The following SPATS2L variants were observed in gnomAD, a reference collection of about 807,000 sequenced individuals.
SPATS2L encodes spermatogenesis associated serine rich 2 like, also known as SPATS2-like protein.
Under a neutral mutation model 59.6 loss-of-function variants are expected in SPATS2L, and 30 were observed. The ratio of observed to expected loss-of-function variants is 0.50; its 90% CI spans 0.38 to 0.68. The LOEUF (loss-of-function observed/expected upper bound fraction) is 0.68. Ranked by LOEUF, SPATS2L falls within the 30% of genes least tolerant of loss-of-function variation. The probability of loss-of-function intolerance (pLI) is 0.00; values close to 1 mark genes in which losing one functional copy is unlikely to be tolerated. For synonymous variants in SPATS2L, 252 were observed against 263.5 expected (o/e 0.96, Z 0.42); for missense variants, 615 against 700.0 (o/e 0.88, Z 1.37).
intron 2 of SPATS2L, among the ~76,000 whole-genome samples, chr2:200,349,369 C>G (rs1367899360): frequency 6.6e-6 from 1 of 152,222 alleles, no homozygotes; most frequent in South Asian, 2.1e-4. Flanking sequence ...GGCATGGTGG[C>G]TCACACCTGC....
chr2:200,390,838 T>G (rs2082149670), intron 3 of SPATS2L: 1 of 147,918 alleles, frequency 6.8e-6, no homozygotes, highest in Non-Finnish European at 1.5e-5. Context: ...CCTCCAGTCA[T>G]GAATGTAGGC....
At chr2:200,322,993 T>C (rs999150303) in intron 1 of SPATS2L, among the ~76,000 whole-genome samples, 2 of 152,200 alleles carry the variant, frequency 1.3e-5, no homozygotes, top group African/African-American at 4.8e-5. Context: ...CTCCAGTCAT[T>C]TTAGTTTTTG....
At chr2:200,424,127 T>C (rs988086815) in intron 6 of SPATS2L, among the ~76,000 whole-genome samples, 8 of 152,302 alleles carry the variant, frequency 5.3e-5, no homozygotes, top group Admixed American at 6.5e-5. Flanking sequence ...AAATTGGATC[T>C]TTTACATAAT....
chr2:200,467,809 G>A (rs1332785336), intron 10 of SPATS2L, among the ~76,000 whole-genome samples: 2 of 152,168 alleles, frequency 1.3e-5, no homozygotes, highest in African/African-American at 4.8e-5. Flanking sequence ...TAGAAAGCAT[G>A]CGGTCTGTGG....
chr2:200,417,717 A>G (rs967892705), intron 5 of SPATS2L, among the ~76,000 whole-genome samples: 4 of 152,224 alleles, frequency 2.6e-5, no homozygotes, highest in African/African-American at 9.6e-5. Context: ...CACCTAGGAA[A>G]GCACTTACTG....
At chr2:200,370,359 C>T (rs548325249) in intron 2 of SPATS2L, among the ~76,000 whole-genome samples, 21 of 152,080 alleles carry the variant, frequency 1.4e-4, no homozygotes, top group East Asian at 3.9e-4. Context: ...ATTTCATCAA[C>T]GCAGTTTTCA....
At chr2:200,473,240 T>A (rs1471141000) in intron 12 of SPATS2L, among the ~76,000 whole-genome samples, 188 bp downstream of exon 12, 1 of 152,166 alleles carries the variant, frequency 6.6e-6, no homozygotes, top group Non-Finnish European at 1.5e-5. Context: ...CTGGTCGCTC[T>A]CATCCATGCC....
chr2:200,334,838 T>G (rs2080086979), intron 2 of SPATS2L, among the ~76,000 whole-genome samples: 1 of 152,242 alleles, frequency 6.6e-6, no homozygotes, highest in African/African-American at 2.4e-5. Context: ...TGTGGCATTA[T>G]TTCTGAGGGC....
At chr2:200,310,648 T>C (rs1267985364) in intron 1 of SPATS2L, among the ~76,000 whole-genome samples, 3 of 152,236 alleles carry the variant, frequency 2.0e-5, no homozygotes, top group African/African-American at 2.4e-5. Flanking sequence ...CCTCCCCCAT[T>C]GCCCAGCCTC....
At chr2:200,323,672 G>A (rs1040684056) in intron 1 of SPATS2L, among the ~76,000 whole-genome samples, 1 of 152,014 alleles carries the variant, frequency 6.6e-6, no homozygotes, top group Non-Finnish European at 1.5e-5. Flanking sequence ...GAGGGAAGGG[G>A]GCCTTTTGAC....
chr2:200,434,688 A>G (rs150475212), intron 6 of SPATS2L, among the ~76,000 whole-genome samples: 87 of 152,264 alleles, frequency 5.7e-4, no homozygotes, highest in Non-Finnish European at 1.1e-3. Flanking sequence ...AAATGATGCT[A>G]AAGCAAATTA....
chr2:200,344,746 T>C (rs1036089659), intron 2 of SPATS2L, among the ~76,000 whole-genome samples: 1 of 152,228 alleles, frequency 6.6e-6, no homozygotes. Flanking sequence ...TTTTTGACTT[T>C]TTAATAATAG....
chr2:200,354,809 G>T (rs190388687), intron 2 of SPATS2L, among the ~76,000 whole-genome samples: 1 of 152,126 alleles, frequency 6.6e-6, no homozygotes, highest in Non-Finnish European at 1.5e-5. Context: ...GCGCTTTTTG[G>T]GATACATCAG....
rs968757375 is a variant in SPATS2L, at chr2:200,481,945, G to C, written c.*3914G>C. On this transcript the variant is annotated 3_prime_UTR_variant, in exon 13 of 13. Coordinates refer to ENST00000409140, the MANE Select transcript of SPATS2L (RefSeq NM_001100423.2). ...TCCACCCCCCTCGGCCTCCCAAAGT[G>C]CTGGGATTACAGGGGTGAGCCACTG... 2.0e-5 allele frequency: 3 copies of C among 152,258 alleles called. No homozygotes were observed. Among genetic ancestry groups the C allele is most frequent in the Non-Finnish European group, 4.4e-5 (3 of 68,076 alleles). The allele number at this position is 152,258 out of a possible 1,614,324, so 9.4% of individuals were successfully genotyped here. A position where few individuals can be genotyped will look rare whatever the true frequency, so the allele number is the denominator to read the frequency against.
intron 2 of SPATS2L, among the ~76,000 whole-genome samples, chr2:200,362,091 T>TA (rs888485158): frequency 6.6e-6 from 1 of 151,544 alleles, no homozygotes; most frequent in East Asian, 1.9e-4. Context: ...AATAAAAAAA[T>TA]AAAAAAATAG....
chr2:200,446,190 C>T (rs1438424828), intron 8 of SPATS2L, among the ~76,000 whole-genome samples: 3 of 152,074 alleles, frequency 2.0e-5, no homozygotes, highest in African/African-American at 7.2e-5. Flanking sequence ...TTTTGATTAG[C>T]TGGGCATAGT....
chr2:200,439,604 T>C (rs570014920), intron 7 of SPATS2L, among the ~76,000 whole-genome samples: 1 of 152,310 alleles, frequency 6.6e-6, no homozygotes, highest in South Asian at 2.1e-4. Context: ...ACAAGTACCT[T>C]CTATCCTAAT....
At chr2:200,474,349 T>C (rs1198932215) in intron 12 of SPATS2L, among the ~76,000 whole-genome samples, 2 of 152,104 alleles carry the variant, frequency 1.3e-5, no homozygotes, top group African/African-American at 4.8e-5. Flanking sequence ...TTTGTTCTTT[T>C]TTTTTTCTTT....
At chr2:200,430,682 T>C (rs1287081872) in intron 6 of SPATS2L, among the ~76,000 whole-genome samples, 1 of 151,984 alleles carries the variant, frequency 6.6e-6, no homozygotes, top group Non-Finnish European at 1.5e-5. Context: ...TTCTTTTAAT[T>C]GTTCCCAAAC....
Sources: gnomAD v4.1 joint callset for allele counts (sites outside exome capture counted in the v4.1 genomes callset) on GRCh38, gnomAD v4.1.1 for gene constraint, MANE v1.5 for transcripts, NCBI Gene and HGNC (gene_info 2026-07-23, HGNC 2026-07-21) for gene names.